Variants in PIEZO2 observed in about 807,000 individuals in gnomAD.
The protein encoded by PIEZO2 is piezo-type mechanosensitive ion channel component 2.
PIEZO2 carries 172 observed loss-of-function variants against 337.3 expected under a neutral mutation model. The ratio of observed to expected loss-of-function variants is 0.51; its 90% CI spans 0.45 to 0.58. PIEZO2 has a LOEUF of 0.58. Ranked by LOEUF, PIEZO2 falls within the 20% of genes least tolerant of loss-of-function variation. The pLI is 0.00. For synonymous variants in PIEZO2, 1,251 were observed against 1,228.5 expected (o/e 1.02, Z -0.38); for missense variants, 3,028 against 3,391.3 (o/e 0.89, Z 2.66).
intron 27 of PIEZO2, among the ~76,000 whole-genome samples, chr18:10,757,670 A>T (rs1208680986): frequency 6.6e-6 from 1 of 151,848 alleles, no homozygotes; most frequent in Non-Finnish European, 1.5e-5. Flanking sequence ...ATAAGAGATG[A>T]GCAGGAGGAC....
chr18:10,808,222 A>G (rs2040061284), intron 7 of PIEZO2, among the ~76,000 whole-genome samples: 1 of 152,112 alleles, frequency 6.6e-6, no homozygotes, highest in Non-Finnish European at 1.5e-5. Flanking sequence ...CCAAGTCGCT[A>G]GGAACACAAG....
intron 1 of PIEZO2, among the ~76,000 whole-genome samples, chr18:11,093,576 CTTTTTTTTTTT>C (rs67441841): frequency 9.7e-4 from 55 of 56,664 alleles, no homozygotes; most frequent in Middle Eastern, 0.014. Context: ...CACTCAACAT[CTTTTTTTTTTT>C]TTTTTTTTTT....
chr18:11,078,026 G>GCA lies in PIEZO2; in HGVS notation c.65-11806_65-11805dup, dbSNP rs1418437083. On this transcript the variant is annotated intron_variant, in intron 1 of 55. Coordinates refer to ENST00000674853, the MANE Select transcript of PIEZO2 (RefSeq NM_001378183.1). The surrounding 1 kb of genome is among the most constrained non-coding windows in gnomAD (Gnocchi z 5.3). ...CATACACGCAAAAACACATGTGCGT[G>GCA]CACACACACCCACACACACCCACAC... Among the ~76,000 whole-genome samples the GCA allele has an allele frequency of 6.3e-5, 9 of 142,182 alleles. No individual in the cohort carries two copies. In the East Asian group the frequency reaches 1.9e-3, roughly 29 times the overall value. 93.3% of individuals were successfully genotyped at this position (142,182 alleles called of 152,430 possible). A position where few individuals can be genotyped will look rare whatever the true frequency, so the allele number is the denominator to read the frequency against.
Position 10,716,044 on chromosome 18 carries a change from A to T in PIEZO2, c.5090-228T>A, listed in dbSNP as rs780187964. 6.6e-6 allele frequency among the ~76,000 whole-genome samples: 1 copy of T among 152,176 alleles called. No individual in the cohort carries two copies. The highest frequency in any genetic ancestry group is 1.5e-5 in the Non-Finnish European group (1 of 68,048). On this transcript the variant is annotated intron_variant, in intron 37 of 55. Transcript: ENST00000674853. The surrounding 1 kb of genome is among the most constrained non-coding windows in gnomAD (Gnocchi z 4.1). The stretch of plus-strand genomic sequence containing the variant: ...CAGACCAAATCAGGATAGAACTTGT[A>T]ATCTTTAGTGGAAACAGAAAGCAGG...
intron 47 of PIEZO2, among the ~76,000 whole-genome samples, chr18:10,693,302 T>C (rs2034931906): frequency 6.6e-6 from 1 of 152,116 alleles, no homozygotes; most frequent in Non-Finnish European, 1.5e-5. Flanking sequence ...GGATTTTCTA[T>C]ATAGGCTGTC....
At position 11,143,633 on chromosome 18, in the gene PIEZO2, ACACACACT is replaced by A. The variant is rs1438259130; in HGVS notation, c.64+4884_64+4891del. 6.7e-4 allele frequency among the ~76,000 whole-genome samples: 46 copies of A among 68,918 alleles called. No individual in the cohort carries two copies. The highest frequency in any genetic ancestry group is 2.7e-3 in the African/African-American group (34 of 12,366). The allele number at this position is 68,918 out of a possible 152,430, so 45.2% of individuals were successfully genotyped here. A position where few individuals can be genotyped will look rare whatever the true frequency, so the allele number is the denominator to read the frequency against. On this transcript the variant is annotated intron_variant, in intron 1 of 55. Transcript: ENST00000674853. This position sits in a 1 kb window ranked among gnomAD's most constrained non-coding sequence, Gnocchi z 4.9. ...CACACACACACACACACACACACACACACACACTCTCTCTCTCTCTCTCTCTCTCTCTC... is the reference window on the plus strand; with the variant it reads ...CACACACACACACACACACACACACACTCTCTCTCTCTCTCTCTCTCTCTC...
At chr18:10,780,758 G>A (rs2038953612) in intron 17 of PIEZO2, among the ~76,000 whole-genome samples, 1 of 151,048 alleles carries the variant, frequency 6.6e-6, no homozygotes, top group Admixed American at 6.6e-5. Context: ...CGCCTCCTGG[G>A]TTCAAGTGAT....
rs1368572730 is a variant in PIEZO2, at chr18:10,767,024, C to G, written c.2946+3124G>C. Reference sequence around the variant, plus strand: ...CCTCCCCTCCCCTTCCCTCCCCTCCCCTTCCCTTCCTTCTCCAATTGGCCA... The same window carrying G: ...CCTCCCCTCCCCTTCCCTCCCCTCCGCTTCCCTTCCTTCTCCAATTGGCCA... On this transcript the variant is annotated intron_variant, in intron 21 of 55. Coordinates refer to ENST00000674853, the MANE Select transcript of PIEZO2 (RefSeq NM_001378183.1). This position sits in a 1 kb window ranked among gnomAD's most constrained non-coding sequence, Gnocchi z 4.2. 1.3e-5 allele frequency among the ~76,000 whole-genome samples: 2 copies of G among 149,910 alleles called. No individual in the cohort carries two copies. Among genetic ancestry groups the G allele is most frequent in the African/African-American group, 4.9e-5 (2 of 40,868 alleles).
rs141782761 is a variant in PIEZO2 at position 10,811,035 on chromosome 18, G to C, written c.918-3761C>G. On this transcript the variant is annotated intron_variant, in intron 7 of 55. Transcript: ENST00000674853. ...TAATTTATGATAATTAAGTTTTGTCGTAAGCATTGGTTCTTCATCATTCTT... is the reference window on the plus strand; with the variant it reads ...TAATTTATGATAATTAAGTTTTGTCCTAAGCATTGGTTCTTCATCATTCTT... Among the ~76,000 whole-genome samples the C allele has an allele frequency of 3.3e-3, 495 of 152,176 alleles. 3 individuals are homozygous for C. The highest frequency in any genetic ancestry group is 5.3e-3 in the Non-Finnish European group (360 of 67,996).
At chr18:10,780,171 A>C (rs1253125060) in intron 18 of PIEZO2, among the ~76,000 whole-genome samples, 154 bp downstream of exon 18, 1 of 152,194 alleles carries the variant, frequency 6.6e-6, no homozygotes, top group Non-Finnish European at 1.5e-5. Context: ...ACAGATACCA[A>C]ATGGTTTGGT....
Position 10,800,432 on chromosome 18 carries a change from G to C in PIEZO2, c.1283C>G (p.Thr428Ser). The C allele has an allele frequency of 1.3e-6, 2 of 1,536,122 alleles. No individual in the cohort carries two copies. Among genetic ancestry groups the C allele is most frequent in the Non-Finnish European group, 1.7e-6 (2 of 1,146,434 alleles). Reference protein sequence around the residue: ...TVNGNPVDYHTIHPSLPMENG... With the variant: ...TVNGNPVDYHSIHPSLPMENG... ...CTCCATGGGCAGGCTTGGGTGGATG[G>C]TGTGGTAATCCACGGGGTTGCCGTT... Residue 428 changes from threonine (T) to serine (S), a missense_variant, in exon 11 of 56, where the codon ACC (threonine) becomes AGC (serine). This residue lies in a region of PIEZO2 where 542 missense variants were observed against 605.6 expected (regional missense o/e 0.89). Coordinates refer to ENST00000674853, the MANE Select transcript of PIEZO2 (RefSeq NM_001378183.1).
intron 4 of PIEZO2, among the ~76,000 whole-genome samples, chr18:10,880,087 T>C (rs184744945): frequency 3.3e-5 from 5 of 152,308 alleles, no homozygotes; most frequent in Admixed American, 3.3e-4. Flanking sequence ...GGTTGGTAGA[T>C]ACAAAAGTGT....
chr18:11,008,881 A>G (rs910561207), intron 2 of PIEZO2, among the ~76,000 whole-genome samples: 2 of 152,178 alleles, frequency 1.3e-5, no homozygotes, highest in Admixed American at 1.3e-4. Flanking sequence ...GTGTTGTGCT[A>G]TAGCAGCAAT....
chr18:10,692,802 G>A (rs1472959554), intron 47 of PIEZO2, among the ~76,000 whole-genome samples: 1 of 152,152 alleles, frequency 6.6e-6, no homozygotes, highest in Non-Finnish European at 1.5e-5. Context: ...GGAAGAATAA[G>A]TGCTCCAATA....
At chr18:10,914,036 C>T (rs2030710783) in intron 3 of PIEZO2, among the ~76,000 whole-genome samples, 1 of 152,152 alleles carries the variant, frequency 6.6e-6, no homozygotes, top group African/African-American at 2.4e-5. Flanking sequence ...ATAAATGGAA[C>T]AGACATGTCC....
chr18:10,760,853 G>A, intron 24 of PIEZO2, 58 bp downstream of exon 24: 1 of 1,398,532 alleles, frequency 7.2e-7, no homozygotes, highest in Non-Finnish European at 9.7e-7. Flanking sequence ...TTGGCCAGAA[G>A]CAGTTCTTTG....
intron 18 of PIEZO2, among the ~76,000 whole-genome samples, chr18:10,776,842 T>A (rs2038806926): frequency 6.6e-6 from 1 of 152,080 alleles, no homozygotes; most frequent in South Asian, 2.1e-4. Context: ...AGAAAATGGA[T>A]CTTGATTTTC....
intron 2 of PIEZO2, among the ~76,000 whole-genome samples, chr18:10,999,320 G>C (rs2035452078): frequency 6.6e-6 from 1 of 152,036 alleles, no homozygotes; most frequent in Non-Finnish European, 1.5e-5. Context: ...TTTATTTACA[G>C]CTCAATTAGA....
Position 10,980,924 on chromosome 18 carries a change from G to A in PIEZO2, c.161-1264C>T, listed in dbSNP as rs578194268. Among the ~76,000 whole-genome samples the A allele has an allele frequency of 6.6e-6, 1 of 152,258 alleles. No homozygotes were observed. The highest frequency in any genetic ancestry group is 1.5e-5 in the Non-Finnish European group (1 of 68,012). ...GAGACTATCCTCCATAACCTGGGAA[G>A]GCATGATTCAATCCACTAGAAGGCC... On this transcript the variant is annotated intron_variant, in intron 2 of 55. Coordinates refer to ENST00000674853, the MANE Select transcript of PIEZO2 (RefSeq NM_001378183.1). The surrounding 1 kb of genome is among the most constrained non-coding windows in gnomAD (Gnocchi z 4.8).
Sources: allele counts gnomAD v4.1 joint callset (sites outside exome capture counted in the v4.1 genomes callset), GRCh38; gene constraint gnomAD v4.1.1; regional missense constraint gnomAD v4.1.1; non-coding constraint Gnocchi (gnomAD v3.1); transcripts MANE v1.5; gene names NCBI Gene and HGNC (gene_info 2026-07-23, HGNC 2026-07-21).